ZNF362: variants seen among roughly 807,000 people sequenced by gnomAD.
The protein encoded by ZNF362 is zinc finger protein 362.
Under a neutral mutation model 42.9 loss-of-function variants are expected in ZNF362, and 11 were observed. The observed-to-expected ratio is 0.26, with a 90% CI of 0.16 to 0.42. The LOEUF is 0.42. ZNF362 is among the 20% of genes least tolerant of loss of function. The pLI, the probability that ZNF362 is intolerant of heterozygous loss-of-function variation, is 1.00. For missense variants in ZNF362, 362 were observed against 576.2 expected (o/e 0.63, Z 3.81); for synonymous variants, 255 against 257.3 (o/e 0.99, Z 0.09).
intron 1 of ZNF362, among the ~76,000 whole-genome samples, chr1:33,262,061 G>A (rs1570380976): frequency 6.6e-6 from 1 of 152,144 alleles, no homozygotes; most frequent in East Asian, 1.9e-4. Flanking sequence ...GATGGGGATG[G>A]CTTTCTAGAA....
chr1:33,147,591 C>T, the ZNF362 span: 4 of 1,613,860 alleles, frequency 2.5e-6, no homozygotes, highest in South Asian at 1.1e-5. This position sits in a 1 kb window ranked among gnomAD's most constrained non-coding sequence, Gnocchi z 8.1. Flanking sequence ...CCAGCACCGA[C>T]ACCTCCACAT....
In ZNF362 at chr1:33,290,009, G is replaced by A. The variant is rs183297165; in HGVS notation, c.909-4928G>A. Reference sequence around the variant, plus strand: ...GAGGAACAGGTGTTCCTGGTAGAGGGAACAGCTTGGATAAAGGATTGGAGG... The same window carrying A: ...GAGGAACAGGTGTTCCTGGTAGAGGAAACAGCTTGGATAAAGGATTGGAGG... On this transcript the variant is annotated intron_variant, in intron 6 of 8. Coordinates refer to ENST00000539719, the MANE Select transcript of ZNF362 (RefSeq NM_152493.3). Among the ~76,000 whole-genome samples, 500 of 152,316 alleles carry A rather than the reference G, an allele frequency of 3.3e-3. 2 individuals carry two copies. Among genetic ancestry groups the A allele is most frequent in the Non-Finnish European group, 4.6e-3 (316 of 68,032 alleles).
intron 2 of ZNF362, chr1:33,274,892 A>G: frequency 1.1e-6 from 1 of 937,052 alleles, no homozygotes; most frequent in Non-Finnish European, 1.3e-6. Context: ...CTTTCAAGTA[A>G]AGATCACAAG....
chr1:33,175,042 T>TATATGC, the ZNF362 span, among the ~76,000 whole-genome samples: 1 of 151,404 alleles, frequency 6.6e-6, no homozygotes, highest in Non-Finnish European at 1.5e-5. Flanking sequence ...TATGTATATG[T>TATATGC]ATATGTATTT....
the ZNF362 span, among the ~76,000 whole-genome samples, chr1:33,188,357 G>A: frequency 6.6e-6 from 1 of 152,192 alleles, no homozygotes; most frequent in Non-Finnish European, 1.5e-5. Context: ...TGGTTGGTAT[G>A]GTAAATAGCA....
At chr1:33,293,151 C>T (rs1439768602) in intron 6 of ZNF362, among the ~76,000 whole-genome samples, 3 of 152,152 alleles carry the variant, frequency 2.0e-5, no homozygotes, top group Non-Finnish European at 4.4e-5. Context: ...GTGAGCAGTT[C>T]GCTCGGGAGA....
chr1:33,129,183 G>T, the ZNF362 span, among the ~76,000 whole-genome samples: 2 of 152,142 alleles, frequency 1.3e-5, no homozygotes, highest in Non-Finnish European at 2.9e-5. The surrounding 1 kb of genome is among the most constrained non-coding windows in gnomAD (Gnocchi z 4.1). Flanking sequence ...GGCATATTAC[G>T]AAGAAGTGAT....
chr1:33,296,859 G>A (rs1457906977), intron 8 of ZNF362, among the ~76,000 whole-genome samples: 6 of 149,788 alleles, frequency 4.0e-5, no homozygotes, highest in South Asian at 4.2e-4. Context: ...TTTTAGAGAC[G>A]GGGTCTTGCT....
chr1:33,270,310 G>C (rs191867656), intron 1 of ZNF362, among the ~76,000 whole-genome samples, 177 bp from the exon 2 acceptor site: 1 of 152,284 alleles, frequency 6.6e-6, no homozygotes, highest in East Asian at 1.9e-4. Flanking sequence ...TACTAGCTGT[G>C]TGATTTGGGG....
At chr1:33,258,415 T>C (rs1257643321) in intron 1 of ZNF362, among the ~76,000 whole-genome samples, 3 of 152,030 alleles carry the variant, frequency 2.0e-5, no homozygotes, top group Non-Finnish European at 4.4e-5. Flanking sequence ...CTAGACAGAG[T>C]GAGCTCCCAG....
At chr1:33,288,627 C>T (rs1014712409) in intron 6 of ZNF362, among the ~76,000 whole-genome samples, 2 of 149,988 alleles carry the variant, frequency 1.3e-5, no homozygotes, top group Admixed American at 1.4e-4. Flanking sequence ...GGCCTGTAGT[C>T]CCAGCTACTT....
chr1:33,237,741 T>G, the ZNF362 span, among the ~76,000 whole-genome samples: 1 of 152,180 alleles, frequency 6.6e-6, no homozygotes, highest in Admixed American at 6.5e-5. Context: ...CCAGGCCTCT[T>G]GTAGCCAGGT....
chr1:33,156,256 C>T, the ZNF362 span, among the ~76,000 whole-genome samples: 1 of 152,180 alleles, frequency 6.6e-6, no homozygotes, highest in Non-Finnish European at 1.5e-5. Context: ...ACAGCACTGC[C>T]ACACTCTCTC....
the ZNF362 span, among the ~76,000 whole-genome samples, chr1:33,162,375 T>G: frequency 1.3e-5 from 2 of 152,248 alleles, no homozygotes; most frequent in African/African-American, 4.8e-5. Context: ...AAGTGACCTC[T>G]TCAGAGATAA....
chr1:33,291,462 C>T (rs927961328), intron 6 of ZNF362, among the ~76,000 whole-genome samples: 35 of 152,360 alleles, frequency 2.3e-4, no homozygotes, highest in African/African-American at 7.9e-4. Context: ...GTTTTGGTTA[C>T]TGTAGCCTTG....
the ZNF362 span, among the ~76,000 whole-genome samples, chr1:33,236,550 A>AAAAAAAAAT: frequency 1.0e-3 from 6 of 5,978 alleles, 1 homozygote; most frequent in Non-Finnish European, 1.1e-3. Flanking sequence ...AAAAAAAAAA[A>AAAAAAAAAT]ATATATATAT....
At chr1:33,151,108 G>A in the ZNF362 span, among the ~76,000 whole-genome samples, 1,038 of 152,194 alleles carry the variant, frequency 6.8e-3, 9 homozygotes, top group African/African-American at 0.024. Context: ...CCACTGATGA[G>A]TGGGAGGGCA....
rs1447902596 is a variant in ZNF362 at position 33,276,173 on chromosome 1, A to G, written c.102+10A>G. The G allele has an allele frequency of 6.2e-7, 1 of 1,613,022 alleles. No homozygotes were observed. Among genetic ancestry groups the G allele is most frequent in the Non-Finnish European group, 8.5e-7 (1 of 1,179,884 alleles). On this transcript the variant is annotated intron_variant, in intron 3 of 8. Transcript: ENST00000539719. Reference sequence around the variant, plus strand: ...CACCATGCCCAGCCAGGTAAGACTGACGTCGCCCCTCCGGCTGCCCTACCC... The same window carrying G: ...CACCATGCCCAGCCAGGTAAGACTGGCGTCGCCCCTCCGGCTGCCCTACCC...
chr1:33,251,150 T>C, the ZNF362 span, among the ~76,000 whole-genome samples: 1 of 152,072 alleles, frequency 6.6e-6, no homozygotes, highest in Non-Finnish European at 1.5e-5. Context: ...TGAGGTGGGA[T>C]TGCAAAATGA....
Sources: gnomAD v4.1 joint callset for allele counts (sites outside exome capture counted in the v4.1 genomes callset) on GRCh38, gnomAD v4.1.1 for gene constraint, Gnocchi (gnomAD v3.1) non-coding constraint, MANE v1.5 for transcripts, NCBI Gene and HGNC (gene_info 2026-07-23, HGNC 2026-07-21) for gene names.